RASA3: variants seen among roughly 807,000 people sequenced by gnomAD.
RASA3 encodes RAS p21 protein activator 3, also known as ras GTPase-activating protein 3.
A neutral mutation model predicts 110.0 loss-of-function variants in RASA3; 73 were observed. That is an observed-to-expected ratio of 0.66 (90% CI 0.55 to 0.81). The LOEUF (loss-of-function observed/expected upper bound fraction) is 0.81. RASA3 is among the 30% of genes least tolerant of loss of function. The probability of loss-of-function intolerance (pLI) is 0.00; values close to 1 mark genes in which losing one functional copy is unlikely to be tolerated. For missense variants in RASA3, 976 were observed against 1,113.2 expected, an observed-to-expected ratio of 0.88 and a Z score of 1.75; for synonymous variants, 500 against 451.4, an observed-to-expected ratio of 1.11 and a Z score of -1.37.
In RASA3 at chr13:114,114,412, C is replaced by T. The variant is rs558388387; in HGVS notation, c.55+18023G>A. On this transcript the variant is annotated intron_variant, in intron 1 of 23. Transcript: ENST00000334062. This position sits in a 1 kb window ranked among gnomAD's most constrained non-coding sequence, Gnocchi z 4.8. ...CCTGGCACGCAGAGGGGTGAAGGAA[C>T]GGGGACACGGATGGATGGAGGGAGA... 1.3e-5 allele frequency among the ~76,000 whole-genome samples: 2 copies of T among 152,262 alleles called. No individual in the cohort carries two copies. The highest frequency in any genetic ancestry group is 3.4e-3 in the Middle Eastern group (1 of 294).
chr13:114,073,583 G>A (rs1480732602), intron 2 of RASA3, 137 bp downstream of exon 2: 22 of 749,550 alleles, frequency 2.9e-5, no homozygotes, highest in East Asian at 2.8e-4. Flanking sequence ...CCCTACATGC[G>A]GGAAAACGGG....
At chr13:113,993,806 TA>T (rs35450759) in intron 21 of RASA3, among the ~76,000 whole-genome samples, 1,014 of 85,568 alleles carry the variant, frequency 0.012, 7 homozygotes, top group African/African-American at 0.037. Context: ...AGACTCTGCC[TA>T]AAAAAAAAAA....
rs144204757 is a variant in RASA3, at chr13:114,015,593, C to T, written c.1282-261G>A. Among the ~76,000 whole-genome samples, 216 of 152,370 alleles carry T rather than the reference C, an allele frequency of 1.4e-3. 1 individual carries two copies. The highest frequency in any genetic ancestry group is 5.1e-3 in the African/African-American group (211 of 41,594). ...CCTCGTTTACTGAGTGGGGAATGGACGTTCACTAGAATGTGCCTGCCCAAG... is the reference window on the plus strand; with the variant it reads ...CCTCGTTTACTGAGTGGGGAATGGATGTTCACTAGAATGTGCCTGCCCAAG... On this transcript the variant is annotated intron_variant, in intron 13 of 23. Coordinates refer to ENST00000334062, the MANE Select transcript of RASA3 (RefSeq NM_007368.4).
chr13:114,046,555 C>T (rs1303039323), intron 3 of RASA3, among the ~76,000 whole-genome samples: 7 of 152,286 alleles, frequency 4.6e-5, no homozygotes, highest in East Asian at 3.9e-4. Context: ...TGGTAATTTC[C>T]GAGTCACGGG....
At chr13:114,053,055 A>AC (rs1413760953) in intron 2 of RASA3, among the ~76,000 whole-genome samples, 2 of 138,260 alleles carry the variant, frequency 1.4e-5, no homozygotes, top group Non-Finnish European at 3.1e-5. Context: ...TGGGGAAGAG[A>AC]CCCCCACTGC....
intron 1 of RASA3, among the ~76,000 whole-genome samples, chr13:114,123,088 C>G (rs1375537087): frequency 2.0e-5 from 3 of 152,210 alleles, no homozygotes; most frequent in African/African-American, 7.2e-5. Context: ...CTCCTGCTGC[C>G]GGCATGGCTT....
At chr13:114,102,267 G>A (rs993575599) in intron 1 of RASA3, among the ~76,000 whole-genome samples, 16 of 152,128 alleles carry the variant, frequency 1.1e-4, no homozygotes, top group East Asian at 3.9e-4. Flanking sequence ...GGCAGGCAGC[G>A]GGCTGAGAAG....
Position 114,015,343 on chromosome 13 carries a change from A to G in RASA3, c.1282-11T>C. ...CTGCCGTAGGTTCTCCTGCAACGGG[A>G]CACGGCACTGGGACCCACTCCCGAG... On this transcript the variant is annotated splice_polypyrimidine_tract_variant and intron_variant, in intron 13 of 23. Transcript: ENST00000334062. 1.2e-6 allele frequency: 2 copies of G among 1,612,354 alleles called. No homozygotes were observed. Among genetic ancestry groups the G allele is most frequent in the Non-Finnish European group, 1.7e-6 (2 of 1,179,802 alleles).
At chr13:114,020,583 C>T (rs926056303) in intron 9 of RASA3, among the ~76,000 whole-genome samples, 6 of 152,238 alleles carry the variant, frequency 3.9e-5, no homozygotes, top group African/African-American at 1.4e-4. Context: ...CCTGGGAGTG[C>T]ACGCTTCCCG....
chr13:113,989,035 CCCATCACTCACCCATCTGTCCATCA>C (rs1487978298), intron 22 of RASA3, among the ~76,000 whole-genome samples: 1 of 150,656 alleles, frequency 6.6e-6, no homozygotes, highest in Non-Finnish European at 1.5e-5. Flanking sequence ...TGTCAGTCCA[CCCATCACTCACCCATCTGTCCATCA>C]CCATCACTCA....
At chr13:113,995,424 C>G (rs2139115297) in intron 21 of RASA3, among the ~76,000 whole-genome samples, 1 of 152,366 alleles carries the variant, frequency 6.6e-6, no homozygotes, top group East Asian at 1.9e-4. Flanking sequence ...AACGGTGGCC[C>G]AGCATGGAGC....
intron 21 of RASA3, among the ~76,000 whole-genome samples, chr13:113,995,702 T>C (rs1228691183): frequency 1.9e-4 from 10 of 53,058 alleles, no homozygotes; most frequent in Admixed American, 4.0e-4. Flanking sequence ...GATGGGGGGC[T>C]GGCTGACGGA....
intron 4 of RASA3, among the ~76,000 whole-genome samples, chr13:114,035,118 C>T (rs1015127374): frequency 4.6e-5 from 7 of 152,138 alleles, no homozygotes; most frequent in Non-Finnish European, 1.0e-4. Context: ...AATGAGTAAA[C>T]TAAACCCAGA....
intron 7 of RASA3, among the ~76,000 whole-genome samples, chr13:114,024,717 C>G (rs978908414): frequency 1.3e-5 from 2 of 152,222 alleles, no homozygotes; most frequent in Non-Finnish European, 2.9e-5. Flanking sequence ...TCCCCTCTGC[C>G]GTGGAGACGA....
intron 1 of RASA3, among the ~76,000 whole-genome samples, chr13:114,102,328 C>T (rs1030168159): frequency 5.3e-5 from 8 of 152,146 alleles, no homozygotes; most frequent in Admixed American, 4.6e-4. Context: ...CAGCGGGCAC[C>T]GAACCAGACT....
chr13:113,977,799 ATC>A lies in RASA3; in HGVS notation c.*1546_*1547del, dbSNP rs2052808535. 1 of 152,518 alleles carries A rather than the reference ATC, an allele frequency of 6.6e-6. No homozygotes were observed. Among genetic ancestry groups the A allele is most frequent in the African/African-American group, 2.4e-5 (1 of 41,454 alleles). 9.4% of individuals were successfully genotyped at this position (152,518 alleles called of 1,614,324 possible). On this transcript the variant is annotated 3_prime_UTR_variant, in exon 24 of 24. Transcript: ENST00000334062. ...AGGCAGTCCTCAGAAAGAATAAAAC[ATC>A]TGTTTTAATTGGCCAGTAAAATACA...
chr13:114,024,734 C>T (rs1376209406), intron 7 of RASA3, among the ~76,000 whole-genome samples: 5 of 152,370 alleles, frequency 3.3e-5, no homozygotes, highest in South Asian at 2.1e-4. Context: ...ACGAAGCCAG[C>T]GCCGCCCTCC....
At chr13:114,027,753 A>T in intron 6 of RASA3, 94 bp downstream of exon 6, 1 of 1,289,536 alleles carries the variant, frequency 7.8e-7, no homozygotes, top group Non-Finnish European at 1.1e-6. Context: ...CAACCTCCTG[A>T]CTCCTCCCAA....
chr13:114,112,705 C>T lies in RASA3; in HGVS notation c.55+19730G>A, dbSNP rs1374501118. ...GTCCCACACACTCAGGCCTGTGTGG[C>T]CAGCGTGGTCCTCCTTTCCCACAGC... On this transcript the variant is annotated intron_variant, in intron 1 of 23. Transcript: ENST00000334062. The surrounding 1 kb of genome is among the most constrained non-coding windows in gnomAD (Gnocchi z 4.8). 6.6e-6 allele frequency among the ~76,000 whole-genome samples: 1 copy of T among 151,998 alleles called. No homozygotes were observed. The highest frequency in any genetic ancestry group is 1.5e-5 in the Non-Finnish European group (1 of 67,994).
Sources: gnomAD v4.1 joint callset for allele counts (sites outside exome capture counted in the v4.1 genomes callset) on GRCh38, gnomAD v4.1.1 for gene constraint, Gnocchi (gnomAD v3.1) non-coding constraint, MANE v1.5 for transcripts, NCBI Gene and HGNC (gene_info 2026-07-23, HGNC 2026-07-21) for gene names.